The following ETS1 variants were observed in gnomAD, a reference collection of about 807,000 sequenced individuals.
ETS1 encodes the protein protein C-ets-1.
ETS1 carries 15 observed loss-of-function variants against 58.6 expected under a neutral mutation model. That is an observed-to-expected ratio of 0.26 (90% CI 0.17 to 0.39). The LOEUF is 0.39. ETS1 is among the 10% of genes least tolerant of loss of function. The pLI, the probability that ETS1 is intolerant of heterozygous loss-of-function variation, is 1.00. For missense variants in ETS1, 417 were observed against 610.5 expected (o/e 0.68, Z 3.34); for synonymous variants, 214 against 218.2 (o/e 0.98, Z 0.17).
intron 5 of ETS1, among the ~76,000 whole-genome samples, chr11:128,487,694 G>A (rs1245114984): frequency 2.0e-5 from 3 of 152,012 alleles, no homozygotes; most frequent in South Asian, 2.1e-4. Context: ...AGCCGACATC[G>A]CGCGACTGCA....
At chr11:128,480,100 C>T (rs1184524252) in intron 8 of ETS1, 91 bp downstream of exon 8, 14 of 1,526,448 alleles carry the variant, frequency 9.2e-6, no homozygotes, top group South Asian at 3.7e-5. Context: ...AGTCTCTCGT[C>T]GTCTCTGGTC....
intron 8 of ETS1, among the ~76,000 whole-genome samples, chr11:128,467,182 G>A (rs1174669551): frequency 6.6e-6 from 1 of 152,202 alleles, no homozygotes; most frequent in Non-Finnish European, 1.5e-5. Context: ...TCCTGGCTGG[G>A]CCCGTGGATG....
At chr11:128,580,602 G>A (rs371877363) in intron 1 of ETS1, among the ~76,000 whole-genome samples, 68 of 152,322 alleles carry the variant, frequency 4.5e-4, no homozygotes, top group African/African-American at 1.6e-3. Context: ...TCATTTGCTT[G>A]ACTAAGTAAT....
intron 7 of ETS1, among the ~76,000 whole-genome samples, chr11:128,483,340 T>C (rs1862540013): frequency 6.6e-6 from 1 of 151,986 alleles, no homozygotes; most frequent in Admixed American, 6.6e-5. Context: ...TTCAAAACAA[T>C]GTGACAGGAG....
intron 3 of ETS1, chr11:128,526,260 A>C (rs978733279): frequency 6.5e-6 from 1 of 152,876 alleles, no homozygotes; most frequent in African/African-American, 2.4e-5. Context: ...TGGGCTTTGG[A>C]ATAAGACTCA....
chr11:128,540,535 G>A (rs1028573790), intron 3 of ETS1, among the ~76,000 whole-genome samples: 1 of 151,966 alleles, frequency 6.6e-6, no homozygotes, highest in Non-Finnish European at 1.5e-5. Flanking sequence ...AAAAAAGAGG[G>A]AGAATTTCCT....
At chr11:128,523,767 A>G (rs1863747306) in intron 3 of ETS1, among the ~76,000 whole-genome samples, 1 of 152,256 alleles carries the variant, frequency 6.6e-6, no homozygotes, top group Admixed American at 6.5e-5. Context: ...TTTTGAAAGA[A>G]CAAAGACTGT....
chr11:128,467,215 C>T (rs1387991623), intron 8 of ETS1, among the ~76,000 whole-genome samples: 1 of 152,212 alleles, frequency 6.6e-6, no homozygotes, highest in Non-Finnish European at 1.5e-5. Flanking sequence ...AGCCTGTCTC[C>T]ACAGCAATGC....
chr11:128,585,089 AGGAAAGAAAGAAAGGAAGGAAGGAAG>A (rs1565421456), intron 1 of ETS1, among the ~76,000 whole-genome samples: 808 of 29,570 alleles, frequency 0.027, 128 homozygotes, highest in African/African-American at 0.045. Context: ...AAAGAAAGAA[AGGAAAGAAAGAAAGGAAGGAAGGAAG>A]GAAAGAAAGA....
At chr11:128,481,653 T>C (rs959794990) in intron 7 of ETS1, among the ~76,000 whole-genome samples, 6 of 152,124 alleles carry the variant, frequency 3.9e-5, no homozygotes, top group African/African-American at 1.4e-4. Flanking sequence ...TCAGGGGTGG[T>C]TGATCTATAA....
In ETS1 at chr11:128,549,488, CG is replaced by C. The variant is rs1864195028; in HGVS notation, c.214+6802del. Among the ~76,000 whole-genome samples, 3 of 152,214 alleles carry C rather than the reference CG, an allele frequency of 2.0e-5. No homozygotes were observed. Among genetic ancestry groups the C allele is most frequent in the Non-Finnish European group, 4.4e-5 (3 of 68,042 alleles). Reference sequence around the variant, plus strand: ...GTGCCCCAGGGACCTTTTCCCAACTCGGACCAAATATTTGTGGTTTGAAAAA... The same window carrying C: ...GTGCCCCAGGGACCTTTTCCCAACTCGACCAAATATTTGTGGTTTGAAAAA... On this transcript the variant is annotated intron_variant, in intron 3 of 9. Coordinates refer to ENST00000392668, the MANE Select transcript of ETS1 (RefSeq NM_001143820.2). This position sits in a 1 kb window ranked among gnomAD's most constrained non-coding sequence, Gnocchi z 4.3.
intron 3 of ETS1, among the ~76,000 whole-genome samples, chr11:128,504,304 T>C (rs190742902): frequency 1.3e-5 from 2 of 152,376 alleles, no homozygotes; most frequent in Non-Finnish European, 2.9e-5. Context: ...AGTCCTCTCC[T>C]GGTGTGTTCA....
intron 1 of ETS1, among the ~76,000 whole-genome samples, chr11:128,585,315 A>AGGAAGGAAGGAAG: frequency 7.3e-6 from 1 of 136,474 alleles, no homozygotes; most frequent in African/African-American, 2.8e-5. Context: ...AAGGGAGGGA[A>AGGAAGGAAGGAAG]GAAGGAAGGA....
intron 2 of ETS1, chr11:128,571,858 C>A (rs1242079829): frequency 6.6e-6 from 1 of 152,126 alleles, no homozygotes; most frequent in Non-Finnish European, 1.5e-5. Context: ...GCCTGGCCAA[C>A]ATGGTGAAAC....
At position 128,480,469 on chromosome 11, in the gene ETS1, G is replaced by C. The variant is rs756140930; in HGVS notation, c.863-18C>G. 6.3e-7 allele frequency: 1 copy of C among 1,591,714 alleles called. No homozygotes were observed. The highest frequency in any genetic ancestry group is 1.1e-5 in the South Asian group (1 of 90,690). On this transcript the variant is annotated intron_variant, in intron 7 of 9. Coordinates refer to ENST00000392668, the MANE Select transcript of ETS1 (RefSeq NM_001143820.2). ...GAGTTTACCTGGAGGTAAAGGAGGA[G>C]GTAGGAAGAGGACAGGGGGAGGAGG...
intron 7 of ETS1, among the ~76,000 whole-genome samples, chr11:128,483,656 G>A (rs917234700): frequency 6.6e-6 from 1 of 152,214 alleles, no homozygotes; most frequent in African/African-American, 2.4e-5. Context: ...TCCCTCTGCA[G>A]GGCTTGTTGG....
chr11:128,511,308 A>C (rs1334513156), intron 3 of ETS1, among the ~76,000 whole-genome samples: 1 of 152,230 alleles, frequency 6.6e-6, no homozygotes, highest in Non-Finnish European at 1.5e-5. Context: ...AAATCTCTTT[A>C]GATTAAAAGA....
chr11:128,499,740 T>C (rs1352256961), intron 3 of ETS1, among the ~76,000 whole-genome samples: 1 of 152,186 alleles, frequency 6.6e-6, no homozygotes, highest in African/African-American at 2.4e-5. Flanking sequence ...TTGCACGTCC[T>C]ACCCAGAACT....
chr11:128,585,344 G>C lies in ETS1; in HGVS notation c.-15+2144C>G, dbSNP rs111526606. ...GGAAGGAAGGAAGCAAGGAAGGAAG[G>C]AAGCAAGGAAGGAAGGAAGGGTCCC... On this transcript the variant is annotated intron_variant, in intron 1 of 9. Transcript: ENST00000392668. Among the ~76,000 whole-genome samples, 13 of 130,178 alleles carry C rather than the reference G, an allele frequency of 1.0e-4. 1 individual carries two copies. In the South Asian group the frequency reaches 3.4e-3, roughly 34 times the overall value. 85.4% of individuals were successfully genotyped at this position (130,178 alleles called of 152,430 possible).
Sources: allele counts gnomAD v4.1 joint callset (sites outside exome capture counted in the v4.1 genomes callset), GRCh38; gene constraint gnomAD v4.1.1; non-coding constraint Gnocchi (gnomAD v3.1); transcripts MANE v1.5; gene names NCBI Gene and HGNC (gene_info 2026-07-23, HGNC 2026-07-21).